HDAC4: variants seen among roughly 807,000 people sequenced by gnomAD.
HDAC4 encodes the protein histone deacetylase A.
Under a neutral mutation model 135.1 loss-of-function variants are expected in HDAC4, and 16 were observed. The observed-to-expected ratio is 0.12, with a 90% CI of 0.08 to 0.18. The LOEUF (loss-of-function observed/expected upper bound fraction) is 0.18. Ranked by LOEUF, HDAC4 falls within the 10% of genes least tolerant of loss-of-function variation. The probability of loss-of-function intolerance (pLI) is 1.00; values close to 1 mark genes in which losing one functional copy is unlikely to be tolerated. For synonymous variants in HDAC4, 685 were observed against 653.4 expected, an observed-to-expected ratio of 1.05 and a Z score of -0.74; for missense variants, 1,143 against 1,511.8, an observed-to-expected ratio of 0.76 and a Z score of 4.05.
In HDAC4 at chr2:239,050,064, T is replaced by G. The variant is rs1243215544; in HGVS notation, c.*3033A>C. The G allele has an allele frequency of 6.6e-6, 1 of 152,598 alleles. No homozygotes were observed. The highest frequency in any genetic ancestry group is 1.5e-5 in the Non-Finnish European group (1 of 68,072). 9.5% of individuals were successfully genotyped at this position (152,598 alleles called of 1,614,324 possible). On this transcript the variant is annotated 3_prime_UTR_variant, in exon 27 of 27. Transcript: ENST00000543185. ...TCCCGCCTGCAGACGCCGAGGCAGA[T>G]CCTCTGCCATCTGCCCTGGACGCTT...
chr2:239,093,446 C>G (rs2036708869), intron 17 of HDAC4, among the ~76,000 whole-genome samples: 1 of 152,218 alleles, frequency 6.6e-6, no homozygotes, highest in Non-Finnish European at 1.5e-5. Flanking sequence ...CTCAGGAGAG[C>G]TGCATCTGTG....
intron 11 of HDAC4, among the ~76,000 whole-genome samples, chr2:239,127,137 C>A (rs2040247251): frequency 6.6e-6 from 1 of 152,200 alleles, no homozygotes; most frequent in African/African-American, 2.4e-5. Context: ...CCACATATTT[C>A]CAAAGACAGC....
chr2:239,062,650 T>C (rs1200444754), intron 24 of HDAC4, among the ~76,000 whole-genome samples: 1 of 152,212 alleles, frequency 6.6e-6, no homozygotes, highest in Non-Finnish European at 1.5e-5. Context: ...AATATATACG[T>C]CAGTTGCCTT....
intron 2 of HDAC4, among the ~76,000 whole-genome samples, chr2:239,347,165 G>A (rs1692778397): frequency 7.2e-6 from 1 of 138,814 alleles, no homozygotes; most frequent in African/African-American, 2.5e-5. Context: ...TTATTTAAAT[G>A]CCATAAAAAT....
intron 24 of HDAC4, among the ~76,000 whole-genome samples, chr2:239,059,293 A>T (rs2032322626): frequency 6.6e-6 from 1 of 152,234 alleles, no homozygotes. Context: ...AGTGGTCCTA[A>T]AGCAAGAAGG....
chr2:239,071,004 A>C (rs193106980), intron 22 of HDAC4, among the ~76,000 whole-genome samples: 204 of 152,098 alleles, frequency 1.3e-3, no homozygotes, highest in East Asian at 2.5e-3. Context: ...AGGAAAGAAG[A>C]AGCAGCCAAC....
intron 4 of HDAC4, among the ~76,000 whole-genome samples, chr2:239,182,775 C>T (rs2044234563): frequency 6.6e-6 from 1 of 152,202 alleles, no homozygotes. Flanking sequence ...CAGGGACCCT[C>T]TGCCCTCGGC....
chr2:239,122,539 G>A (rs1238960772), intron 12 of HDAC4, among the ~76,000 whole-genome samples: 1 of 152,206 alleles, frequency 6.6e-6, no homozygotes, highest in Non-Finnish European at 1.5e-5. Flanking sequence ...CTGCATACAA[G>A]GCACGGGCAA....
chr2:239,218,757 C>CA (rs1432814095), intron 3 of HDAC4, among the ~76,000 whole-genome samples: 1 of 132,520 alleles, frequency 7.5e-6, no homozygotes, highest in East Asian at 2.3e-4. Context: ...ACAATGAACT[C>CA]AAACAAATTT....
rs1168711464 is a variant in HDAC4 at position 239,108,098 on chromosome 2, C to T, written c.2064G>A (p.Gln688=). Reference sequence around the variant, plus strand: ...TCTCCTGCAGGCGGGACCAGATGCTCTGGATCCTCCCGGCGTGCTCGGGGT... The same window carrying T: ...TCTCCTGCAGGCGGGACCAGATGCTTTGGATCCTCCCGGCGTGCTCGGGGT... The part of the protein sequence containing the change: ...SSHPEHAGRI[Q]SIWSRLQETG... The change falls in exon 15 of 27, where the codon CAG becomes CAA. Residue 688 remains glutamine, a synonymous_variant. Coordinates refer to ENST00000543185, the MANE Select transcript of HDAC4 (RefSeq NM_001378414.1). The T allele has an allele frequency of 6.2e-7, 1 of 1,610,768 alleles. No homozygotes were observed. The highest frequency in any genetic ancestry group is 2.2e-5 in the East Asian group (1 of 44,872).
chr2:239,350,088 C>T (rs1469154255), intron 2 of HDAC4, among the ~76,000 whole-genome samples: 1 of 152,162 alleles, frequency 6.6e-6, no homozygotes, highest in Non-Finnish European at 1.5e-5. Context: ...CCTCAAAGAA[C>T]CCGGCCTGAA....
chr2:239,203,656 C>T (rs560726633), intron 3 of HDAC4, among the ~76,000 whole-genome samples: 127 of 152,286 alleles, frequency 8.3e-4, no homozygotes, highest in African/African-American at 2.9e-3. Flanking sequence ...ACTGCCAAGG[C>T]GACCACAGAC....
chr2:239,394,425 C>T (rs1696432214), intron 1 of HDAC4, among the ~76,000 whole-genome samples: 1 of 152,210 alleles, frequency 6.6e-6, no homozygotes, highest in Non-Finnish European at 1.5e-5. Context: ...TTCATAAAAG[C>T]ACCACTCGCC....
chr2:239,179,822 G>C (rs1049052866), intron 4 of HDAC4, among the ~76,000 whole-genome samples: 3 of 152,258 alleles, frequency 2.0e-5, no homozygotes, highest in Non-Finnish European at 2.9e-5. Flanking sequence ...GCGTGCTCAG[G>C]GTGGGAGGCG....
intron 1 of HDAC4, among the ~76,000 whole-genome samples, chr2:239,392,327 C>T (rs1217708056): frequency 6.6e-6 from 1 of 152,366 alleles, no homozygotes; most frequent in East Asian, 1.9e-4. Flanking sequence ...CCTGGAGAGC[C>T]AAGGGGCGGA....
At chr2:239,179,665 A>G (rs1166830934) in intron 4 of HDAC4, among the ~76,000 whole-genome samples, 1 of 152,254 alleles carries the variant, frequency 6.6e-6, no homozygotes, top group East Asian at 1.9e-4. Context: ...GCAAGAGGTG[A>G]TAACAAAGGA....
At chr2:239,134,754 C>T (rs976224377) in intron 9 of HDAC4, 111 bp from the exon 10 acceptor site, 19 of 802,432 alleles carry the variant, frequency 2.4e-5, no homozygotes, top group African/African-American at 1.2e-4. Context: ...GATATATGAG[C>T]GTAAACGTAC....
chr2:239,214,444 G>A (rs1017055576), intron 3 of HDAC4, among the ~76,000 whole-genome samples: 4 of 152,328 alleles, frequency 2.6e-5, no homozygotes, highest in South Asian at 4.1e-4. Flanking sequence ...TCCTTTGGCC[G>A]GGTAAGGTTA....
chr2:239,099,126 A>AC (rs1406451488), intron 16 of HDAC4, among the ~76,000 whole-genome samples: 3 of 152,182 alleles, frequency 2.0e-5, no homozygotes, highest in African/African-American at 4.8e-5. Context: ...TAGCTTAGAA[A>AC]CCTAAGCAAG....
Sources: allele counts gnomAD v4.1 joint callset (sites outside exome capture counted in the v4.1 genomes callset), GRCh38; gene constraint gnomAD v4.1.1; transcripts MANE v1.5; gene names NCBI Gene and HGNC (gene_info 2026-07-23, HGNC 2026-07-21).